Variants in HM13 observed in about 807,000 individuals in gnomAD.
The protein encoded by HM13 is signal peptide peptidase.
HM13 carries 18 observed loss-of-function variants against 50.0 expected under a neutral mutation model. That is an observed-to-expected ratio of 0.36 (90% confidence interval 0.25 to 0.53). The LOEUF is 0.53. HM13 is among the 20% of genes least tolerant of loss of function. The pLI is 0.90. For synonymous variants in HM13, 197 were observed against 232.6 expected (o/e 0.85, Z 1.39); for missense variants, 393 against 552.4 (o/e 0.71, Z 2.89).
At chr20:31,554,976 C>A in intron 8 of HM13, 147 bp downstream of exon 8, 1 of 717,894 alleles carries the variant, frequency 1.4e-6, no homozygotes, top group Non-Finnish European at 2.3e-6. Flanking sequence ...AAGGGTTCCC[C>A]CTTAACATCC....
At position 31,566,408 on chromosome 20, in the gene HM13, A is replaced by G. The variant is rs1347313571; in HGVS notation, c.1034+113A>G. On this transcript the variant is annotated intron_variant, in intron 11 of 12. Transcript: ENST00000398174. ...TCTCCAGGGGAACATTGTTCCTGCCACCAGCCCCACCCCTTGCCTTTTTCA... is the reference window on the plus strand; with the variant it reads ...TCTCCAGGGGAACATTGTTCCTGCCGCCAGCCCCACCCCTTGCCTTTTTCA... The G allele has an allele frequency of 3.6e-6, 3 of 834,968 alleles. No homozygotes were observed. In the Admixed American group the frequency reaches 6.2e-5, roughly 17 times the overall value. The allele number at this position is 834,968 out of a possible 1,614,324, so 51.7% of individuals were successfully genotyped here.
At chr20:31,533,621 G>A (rs561150005) in intron 2 of HM13, among the ~76,000 whole-genome samples, 39 of 152,316 alleles carry the variant, frequency 2.6e-4, no homozygotes, top group African/African-American at 4.1e-4. Context: ...TGGTCCCTGC[G>A]ACAAGTTCCC....
chr20:31,533,375 C>G (rs886564952), intron 2 of HM13, among the ~76,000 whole-genome samples: 4 of 152,204 alleles, frequency 2.6e-5, no homozygotes, highest in African/African-American at 9.6e-5. Flanking sequence ...CGTGGTGGCC[C>G]ATGCCTGTAG....
rs917206312 is a variant in HM13 at position 31,542,446 on chromosome 20, T to C, written c.366-2501T>C. ...CCCCCAGGGGAGAAGGGCACCAGGA[T>C]GTGGCTTGTCAGTGGGAAGCAATGA... On this transcript the variant is annotated intron_variant, in intron 3 of 12. Coordinates refer to ENST00000398174, the MANE Select transcript of HM13 (RefSeq NM_178581.3). Among the ~76,000 whole-genome samples, 4 of 152,212 alleles carry C rather than the reference T, an allele frequency of 2.6e-5. No homozygotes were observed. In the South Asian group the frequency reaches 8.3e-4, roughly 32 times the overall value.
At chr20:31,526,236 G>A (rs992802929) in intron 1 of HM13, among the ~76,000 whole-genome samples, 1 of 151,240 alleles carries the variant, frequency 6.6e-6, no homozygotes, top group African/African-American at 2.4e-5. Context: ...TCAGCTGACT[G>A]CAACCTCCAC....
intron 12 of HM13, 121 bp from the exon 13 acceptor site, chr20:31,568,988 GGACACAGGGCT>G: frequency 1.6e-6 from 1 of 630,370 alleles, no homozygotes. Flanking sequence ...GCTGGGCAGT[GGACACAGGGCT>G]GACGCTCTGC....
chr20:31,543,641 A>C lies in HM13; in HGVS notation c.366-1306A>C, dbSNP rs185773037. On this transcript the variant is annotated intron_variant, in intron 3 of 12. Transcript: ENST00000398174. ...CCATGCCACCAGGGTCTTTAAAGAG[A>C]GTTCCCTTGGCCGGGCGCGGTGGCT... 7.8e-4 allele frequency among the ~76,000 whole-genome samples: 118 copies of C among 151,784 alleles called. 2 individuals are homozygous for C. The South Asian group carries it at 0.02, about 25-fold the overall frequency.
chr20:31,549,299 G>A lies in HM13; in HGVS notation c.633G>A (p.Leu211=), dbSNP rs932839736. 2 of 1,614,090 alleles carry A rather than the reference G, an allele frequency of 1.2e-6. No individual in the cohort carries two copies. Among genetic ancestry groups the A allele is most frequent in the African/African-American group, 2.7e-5 (2 of 74,928 alleles). ...ACAATGTCAGCACTGGCTGCATCCT[G>A]CTGGGCGGACTCTTCATCTACGATG... ...HLNNVSTGCI[L]LGGLFIYDVF... Residue 211 remains leucine (L), a synonymous_variant, in exon 6 of 13, where the codon CTG becomes CTA. Transcript: ENST00000398174.
intron 3 of HM13, chr20:31,541,490 T>TAAAAAAAAAAAA (rs5841079): frequency 7.3e-6 from 1 of 136,784 alleles, no homozygotes; most frequent in Admixed American, 7.3e-5. Flanking sequence ...CTGAAAAATA[T>TAAAAAAAAAAAA]AAAAAAAAAA....
At chr20:31,528,451 G>A (rs1194850952) in intron 2 of HM13, among the ~76,000 whole-genome samples, 3 of 151,866 alleles carry the variant, frequency 2.0e-5, no homozygotes, top group Non-Finnish European at 4.4e-5. Flanking sequence ...CAAGTAGCTG[G>A]GATTATAGGC....
intron 2 of HM13, chr20:31,535,760 G>A (rs1046029458): frequency 6.6e-6 from 1 of 152,206 alleles, no homozygotes; most frequent in Non-Finnish European, 1.5e-5. Context: ...ACTGAAGTGA[G>A]AAAAACAGCT....
At position 31,561,673 on chromosome 20, in the gene HM13, T is replaced by C. The variant is rs978392652; in HGVS notation, c.885T>C (p.Phe295=). The change falls in exon 10 of 13, where the codon TTT becomes TTC. Residue 295 remains phenylalanine, a synonymous_variant. Coordinates refer to ENST00000398174, the MANE Select transcript of HM13 (RefSeq NM_178581.3). ...CCCACACCTACTTCTACACCAGCTT[T>C]GCAGCCTACATCTTCGGCCTGGGCC... ...KNTHTYFYTS[F]AAYIFGLGLT... 1 of 1,614,050 alleles carries C rather than the reference T, an allele frequency of 6.2e-7. No homozygotes were observed. The highest frequency in any genetic ancestry group is 1.7e-5 in the Admixed American group (1 of 60,026).
intron 1 of HM13, among the ~76,000 whole-genome samples, chr20:31,520,132 C>T (rs1046705231): frequency 1.3e-5 from 2 of 152,068 alleles, no homozygotes; most frequent in African/African-American, 2.4e-5. Flanking sequence ...GCTGGGATTA[C>T]AGGCGTGAGC....
At chr20:31,568,829 G>C (rs974083624) in intron 12 of HM13, among the ~76,000 whole-genome samples, 1 of 152,224 alleles carries the variant, frequency 6.6e-6, no homozygotes, top group African/African-American at 2.4e-5. Flanking sequence ...GGTTCAGGAA[G>C]CTTGAAATCA....
At chr20:31,531,130 C>T (rs1489717275) in intron 2 of HM13, among the ~76,000 whole-genome samples, 1 of 151,036 alleles carries the variant, frequency 6.6e-6, no homozygotes, top group Non-Finnish European at 1.5e-5. Context: ...CTGCAACCTC[C>T]ACCTCCCAGG....
chr20:31,568,411 C>T, intron 12 of HM13, 187 bp downstream of exon 12: 3 of 788,184 alleles, frequency 3.8e-6, no homozygotes, highest in South Asian at 4.1e-5. Context: ...AGGACAACCC[C>T]GAAGCTTCCT....
Position 31,514,563 on chromosome 20 carries a change from C to A in HM13, c.12C>A (p.Ala4=). 6.2e-7 allele frequency: 1 copy of A among 1,606,380 alleles called. No homozygotes were observed. The highest frequency in any genetic ancestry group is 8.5e-7 in the Non-Finnish European group (1 of 1,178,060). Reference sequence around the variant, plus strand: ...AACGCACCCTCGCCATGGACTCGGCCCTCAGCGATCCGCATAACGGCAGTG... The same window carrying A: ...AACGCACCCTCGCCATGGACTCGGCACTCAGCGATCCGCATAACGGCAGTG... MDS[A]LSDPHNGSAE... Residue 4 remains alanine (A), a synonymous_variant, in exon 1 of 13, where the codon GCC becomes GCA. Coordinates refer to ENST00000398174, the MANE Select transcript of HM13 (RefSeq NM_178581.3). The surrounding 1 kb of genome is among the most constrained non-coding windows in gnomAD (Gnocchi z 4.3).
At chr20:31,564,691 A>C (rs1161193240) in intron 10 of HM13, among the ~76,000 whole-genome samples, 1 of 152,092 alleles carries the variant, frequency 6.6e-6, no homozygotes, top group South Asian at 2.1e-4. Context: ...CCTGGCCAAC[A>C]TGGTGAAACC....
intron 2 of HM13, among the ~76,000 whole-genome samples, chr20:31,536,004 C>T (rs1368909574): frequency 6.6e-6 from 1 of 152,214 alleles, no homozygotes; most frequent in African/African-American, 2.4e-5. Flanking sequence ...AGGAGTCATC[C>T]TTCTCCCTGT....
Sources: gnomAD v4.1 joint callset for allele counts (sites outside exome capture counted in the v4.1 genomes callset) on GRCh38, gnomAD v4.1.1 for gene constraint, Gnocchi (gnomAD v3.1) non-coding constraint, MANE v1.5 for transcripts, NCBI Gene and HGNC (gene_info 2026-07-23, HGNC 2026-07-21) for gene names.